The following SHANK2 variants were observed in gnomAD, a reference collection of about 807,000 sequenced individuals.
SHANK2 encodes SH3 and multiple ankyrin repeat domains protein 2.
Under a neutral mutation model 133.7 loss-of-function variants are expected in SHANK2, and 43 were observed. That is an observed-to-expected ratio of 0.32 (90% CI 0.25 to 0.41). The LOEUF (loss-of-function observed/expected upper bound fraction) is 0.41. Among genes scored for constraint, SHANK2 ranks in the 10% least tolerant of loss-of-function variants. SHANK2 has a pLI of 1.00. For missense variants in SHANK2, 1,994 were observed against 2,235.8 expected, an observed-to-expected ratio of 0.89 and a Z score of 2.18; for synonymous variants, 1,017 against 952.8, an observed-to-expected ratio of 1.07 and a Z score of -1.24.
intron 10 of SHANK2, among the ~76,000 whole-genome samples, chr11:70,924,362 G>A (rs781995060): frequency 1.3e-5 from 2 of 152,134 alleles, no homozygotes; most frequent in Non-Finnish European, 2.9e-5. Flanking sequence ...TCTCGGGGCC[G>A]GGCTCAGGTG....
At chr11:70,946,317 T>C (rs1469165642) in intron 10 of SHANK2, among the ~76,000 whole-genome samples, 1 of 142,040 alleles carries the variant, frequency 7.0e-6, no homozygotes, top group Non-Finnish European at 1.5e-5. Flanking sequence ...CTCTCTCCAC[T>C]AACCAACACT....
chr11:70,662,362 C>G (rs1473153041), intron 15 of SHANK2, among the ~76,000 whole-genome samples: 2 of 151,978 alleles, frequency 1.3e-5, no homozygotes, highest in Non-Finnish European at 2.9e-5. Flanking sequence ...ACAGTGCGCC[C>G]GGCGGCTGCC....
chr11:70,683,306 G>A (rs1555018777), intron 15 of SHANK2, among the ~76,000 whole-genome samples: 1 of 151,964 alleles, frequency 6.6e-6, no homozygotes, highest in Non-Finnish European at 1.5e-5. Context: ...CCTTCTTCCT[G>A]TCTCTGGCCA....
At chr11:70,672,245 G>A (rs564900834) in intron 15 of SHANK2, among the ~76,000 whole-genome samples, 1 of 151,978 alleles carries the variant, frequency 6.6e-6, no homozygotes, top group South Asian at 2.1e-4. Flanking sequence ...TATATTTTTA[G>A]TAGAGACAGG....
intron 1 of SHANK2, chr11:71,241,001 A>C (rs1428103597): frequency 6.6e-6 from 1 of 152,238 alleles, no homozygotes; most frequent in Non-Finnish European, 1.5e-5. Context: ...GGAAATACCA[A>C]GTCTTGCTGA....
At chr11:70,629,837 C>A (rs1565194288) in intron 17 of SHANK2, among the ~76,000 whole-genome samples, 1 of 152,168 alleles carries the variant, frequency 6.6e-6, no homozygotes, top group African/African-American at 2.4e-5. Flanking sequence ...CATCCAGACC[C>A]CCAGCAGATC....
chr11:71,236,429 T>C (rs1415577214), intron 1 of SHANK2, among the ~76,000 whole-genome samples: 62 of 152,136 alleles, frequency 4.1e-4, no homozygotes, highest in Admixed American at 3.7e-3. Flanking sequence ...CTGGCCAACA[T>C]GGTGAAACCC....
intron 11 of SHANK2, among the ~76,000 whole-genome samples, chr11:70,823,284 C>T (rs12280353): frequency 1.3e-5 from 1 of 74,964 alleles, no homozygotes; most frequent in Non-Finnish European, 2.6e-5. Context: ...AGAGGTGGCG[C>T]TGGCAGAGTT....
chr11:70,793,049 C>T (rs1375398536), intron 14 of SHANK2, among the ~76,000 whole-genome samples: 2 of 152,112 alleles, frequency 1.3e-5, no homozygotes, highest in Non-Finnish European at 2.9e-5. Flanking sequence ...CAGCAAGACC[C>T]TGACTCAAAA....
chr11:70,711,067 C>T (rs918100017), intron 14 of SHANK2, among the ~76,000 whole-genome samples: 23 of 152,152 alleles, frequency 1.5e-4, no homozygotes, highest in African/African-American at 5.6e-4. Context: ...TTCTTCCCTC[C>T]CTTGAAATCC....
In SHANK2 at chr11:70,798,161, C is replaced by T. The variant is rs543968872; in HGVS notation, c.1777+282G>A. Among the ~76,000 whole-genome samples the T allele has an allele frequency of 2.6e-5, 4 of 152,308 alleles. No homozygotes were observed. In the South Asian group the frequency reaches 8.3e-4, roughly 32 times the overall value. On this transcript the variant is annotated intron_variant, in intron 14 of 25. Coordinates refer to ENST00000601538, the MANE Select transcript of SHANK2 (RefSeq NM_012309.5). ...AAATCTAATCAACCCCCAAAAGTCT[C>T]TCTCTGATGGCTAGAACATACGGTC... is the stretch of plus-strand genomic sequence containing the variant.
intron 14 of SHANK2, among the ~76,000 whole-genome samples, chr11:70,720,707 C>A (rs976601525): frequency 6.6e-6 from 1 of 152,342 alleles, no homozygotes; most frequent in African/African-American, 2.4e-5. Flanking sequence ...TGTGTTCTTG[C>A]GGTATACATG....
intron 11 of SHANK2, among the ~76,000 whole-genome samples, chr11:70,831,319 AGAG>A (rs1327743992): frequency 1.3e-5 from 2 of 152,196 alleles, no homozygotes; most frequent in East Asian, 1.9e-4. Flanking sequence ...CCAGGAGGAA[AGAG>A]GAGAGGGAGG....
At chr11:71,200,831 TACACACAC>T (rs56749664) in intron 2 of SHANK2, among the ~76,000 whole-genome samples, 3,598 of 145,018 alleles carry the variant, frequency 0.025, 61 homozygotes, top group Non-Finnish European at 0.032. Flanking sequence ...TCTCAATTAA[TACACACAC>T]ACACACACAC....
At chr11:70,644,601 A>G (rs2061235414) in intron 17 of SHANK2, among the ~76,000 whole-genome samples, 1 of 152,212 alleles carries the variant, frequency 6.6e-6, no homozygotes. Context: ...CGCCTGCTGC[A>G]AATGCAAGAG....
intron 2 of SHANK2, among the ~76,000 whole-genome samples, chr11:71,183,533 C>T (rs576703032): frequency 3.0e-4 from 46 of 152,338 alleles, no homozygotes; most frequent in Non-Finnish European, 5.4e-4. Flanking sequence ...CTGGCTGTGC[C>T]CTGAGCAACT....
intron 11 of SHANK2, 81 bp from the exon 12 acceptor site, chr11:70,820,763 G>A (rs1948501338): frequency 3.4e-6 from 2 of 593,708 alleles, no homozygotes; most frequent in Non-Finnish European, 3.0e-6. Context: ...GGAGGTGCAG[G>A]CCTGCGTGCG....
intron 17 of SHANK2, among the ~76,000 whole-genome samples, chr11:70,568,047 G>C (rs2059989347): frequency 6.6e-6 from 1 of 152,238 alleles, no homozygotes; most frequent in Non-Finnish European, 1.5e-5. Context: ...GCCAGTACTG[G>C]AGGCTGGGTG....
chr11:71,189,790 C>T lies in SHANK2; in HGVS notation c.-13+34907G>A, dbSNP rs1304057975. 7.9e-5 allele frequency among the ~76,000 whole-genome samples: 12 copies of T among 152,378 alleles called. No individual in the cohort carries two copies. In the South Asian group the frequency reaches 1.7e-3, roughly 21 times the overall value. ...AGGGACAAACTCCATGTCCAGAGCTCCCCTCCCAAAGCCTGTGCTGCTGCC... is the reference window on the plus strand; with the variant it reads ...AGGGACAAACTCCATGTCCAGAGCTTCCCTCCCAAAGCCTGTGCTGCTGCC... On this transcript the variant is annotated intron_variant, in intron 2 of 25. Coordinates refer to ENST00000601538, the MANE Select transcript of SHANK2 (RefSeq NM_012309.5).
Sources: gnomAD v4.1 joint callset for allele counts (sites outside exome capture counted in the v4.1 genomes callset) on GRCh38, gnomAD v4.1.1 for gene constraint, MANE v1.5 for transcripts, NCBI Gene and HGNC (gene_info 2026-07-23, HGNC 2026-07-21) for gene names.